ZNF345: variants seen among roughly 807,000 people sequenced by gnomAD.
ZNF345 encodes zinc finger protein HZF10.
For missense variants in ZNF345, 527 were observed against 589.9 expected (o/e 0.89, Z 1.10); for synonymous variants, 166 against 187.9 (o/e 0.88, Z 0.95).
At chr19:36,857,609 C>T (rs896487232) in intron 2 of ZNF345, among the ~76,000 whole-genome samples, 1 of 151,366 alleles carries the variant, frequency 6.6e-6, no homozygotes, top group Non-Finnish European at 1.5e-5. Context: ...GCTTAAATGT[C>T]AGTAAATACT....
chr19:36,886,815 G>T (rs1190095542), intron 3 of ZNF345, among the ~76,000 whole-genome samples: 1 of 151,276 alleles, frequency 6.6e-6, no homozygotes, highest in South Asian at 2.1e-4. Context: ...GTGAAACCCC[G>T]TCTCTACTAA....
At chr19:36,875,488 G>T (rs900175214) in intron 2 of ZNF345, among the ~76,000 whole-genome samples, 1 of 152,078 alleles carries the variant, frequency 6.6e-6, no homozygotes, top group African/African-American at 2.4e-5. Context: ...ATTGTTGGGT[G>T]GGGGGTGCAG....
chr19:36,861,398 G>A (rs993162923), intron 2 of ZNF345, among the ~76,000 whole-genome samples: 7 of 152,128 alleles, frequency 4.6e-5, no homozygotes, highest in African/African-American at 1.7e-4. Context: ...TTCTGTAGTA[G>A]TAAGAAACCT....
chr19:36,854,906 T>G (rs1045959830), intron 2 of ZNF345, among the ~76,000 whole-genome samples: 69 of 151,190 alleles, frequency 4.6e-4, no homozygotes, highest in African/African-American at 1.5e-3. Flanking sequence ...CAGGCTGGAG[T>G]GCAGTGGTGC....
At chr19:36,868,673 C>T (rs2072713539) in intron 2 of ZNF345, among the ~76,000 whole-genome samples, 1 of 147,098 alleles carries the variant, frequency 6.8e-6, no homozygotes, top group Non-Finnish European at 1.5e-5. Flanking sequence ...GTTGCCCAGG[C>T]TGGAGTGCAG....
chr19:36,852,128 C>CTTTTTTTTTTTTTTTTTTTTTTT (rs35747733), intron 2 of ZNF345, among the ~76,000 whole-genome samples: 1 of 102,704 alleles, frequency 9.7e-6, no homozygotes. Flanking sequence ...TTCTTTCTTT[C>CTTTTTTTTTTTTTTTTTTTTTTT]TTTTTTTTTT....
At chr19:36,888,381 CTGA>C (rs780284203) in intron 3 of ZNF345, 5 of 152,000 alleles carry the variant, frequency 3.3e-5, no homozygotes, top group African/African-American at 7.3e-5. Flanking sequence ...TCTCCTTGCC[CTGA>C]TGATATCTGT....
In ZNF345 at chr19:36,877,903, C is replaced by A. The variant is rs765262492; in HGVS notation, c.1073C>A (p.Thr358Asn). ...GKTFSSGSDL[T>N]QHHRIHTGEK... ...ACCTTTAGTAGTGGTTCAGACCTTACTCAACATCACAGAATTCATACTGGT... is the reference window on the plus strand; with the variant it reads ...ACCTTTAGTAGTGGTTCAGACCTTAATCAACATCACAGAATTCATACTGGT... Residue 358 changes from threonine to asparagine, a missense_variant, in exon 3 of 3, where the codon ACT (threonine) becomes AAT (asparagine). Thr to Asn is a moderately conservative substitution (Grantham distance 65, BLOSUM62 0). Transcript: ENST00000420450. 6 of 1,613,808 alleles carry A rather than the reference C, an allele frequency of 3.7e-6. No individual in the cohort carries two copies. Among genetic ancestry groups the A allele is most frequent in the Non-Finnish European group, 5.1e-6 (6 of 1,179,964 alleles).
rs1466005966 is a variant in ZNF345 at position 36,876,775 on chromosome 19, T to G, written c.-46-10T>G. Reference sequence around the variant, plus strand: ...AAAAAGTGAATGTTTGCTTTTATATTTTCTTTCAGACTATGAATCAAAGTT... The same window carrying G: ...AAAAAGTGAATGTTTGCTTTTATATGTTCTTTCAGACTATGAATCAAAGTT... On this transcript the variant is annotated splice_polypyrimidine_tract_variant and intron_variant, in intron 2 of 2. Coordinates refer to ENST00000420450, the MANE Select transcript of ZNF345 (RefSeq NM_001242472.2). 6.7e-7 allele frequency: 1 copy of G among 1,501,906 alleles called. No individual in the cohort carries two copies. The highest frequency in any genetic ancestry group is 8.9e-7 in the Non-Finnish European group (1 of 1,120,254). The allele number at this position is 1,501,906 out of a possible 1,614,324, so 93.0% of individuals were successfully genotyped here.
At chr19:36,867,503 A>G (rs984715378) in intron 2 of ZNF345, among the ~76,000 whole-genome samples, 3 of 152,320 alleles carry the variant, frequency 2.0e-5, no homozygotes, top group South Asian at 2.1e-4. Flanking sequence ...TTGAAGCACA[A>G]ACTTTTAACT....
chr19:36,855,447 C>CG (rs1555719695), intron 2 of ZNF345, among the ~76,000 whole-genome samples: 3 of 58,574 alleles, frequency 5.1e-5, no homozygotes, highest in African/African-American at 7.0e-5. Flanking sequence ...CGAGCCTGGC[C>CG]TTTTTTTTTT....
intron 2 of ZNF345, among the ~76,000 whole-genome samples, chr19:36,874,698 G>C (rs2072847467): frequency 6.6e-6 from 1 of 152,182 alleles, no homozygotes; most frequent in Admixed American, 6.5e-5. Flanking sequence ...AGAATCACTT[G>C]AACCCGGGAG....
intron 2 of ZNF345, among the ~76,000 whole-genome samples, chr19:36,855,340 G>A (rs760629639): frequency 3.3e-5 from 5 of 150,546 alleles, no homozygotes; most frequent in African/African-American, 4.9e-5. Flanking sequence ...TAGTAGAGAC[G>A]GGGTTTCACG....
intron 2 of ZNF345, among the ~76,000 whole-genome samples, chr19:36,864,221 A>ACAGCCATAAAGAG (rs1446165191): frequency 4.6e-5 from 7 of 152,252 alleles, no homozygotes; most frequent in Admixed American, 3.9e-4. Flanking sequence ...CATGGGAATT[A>ACAGCCATAAAGAG]CAGCCATAAA....
chr19:36,892,376 G>A, intron 3 of ZNF345: 1 of 1,613,300 alleles, frequency 6.2e-7, no homozygotes, highest in South Asian at 1.1e-5. Context: ...AATGTGGGCT[G>A]AATAAAAGTA....
chr19:36,887,418 A>G (rs2073008504), intron 3 of ZNF345, among the ~76,000 whole-genome samples: 1 of 152,198 alleles, frequency 6.6e-6, no homozygotes, highest in African/African-American at 2.4e-5. Context: ...ATATAATGTA[A>G]GATGTTTTTA....
chr19:36,868,221 C>T (rs1468297123), intron 2 of ZNF345, among the ~76,000 whole-genome samples: 2 of 152,130 alleles, frequency 1.3e-5, no homozygotes, highest in African/African-American at 4.8e-5. Flanking sequence ...CCAAGCTAGT[C>T]TCAAACTCCT....
At chr19:36,873,316 A>G (rs989712504) in intron 2 of ZNF345, among the ~76,000 whole-genome samples, 3 of 151,934 alleles carry the variant, frequency 2.0e-5, no homozygotes, top group Non-Finnish European at 4.4e-5. Flanking sequence ...ACTGTCTTTT[A>G]TCTTACAGGC....
downstream of ZNF345, among the ~76,000 whole-genome samples, chr19:36,882,489 G>T (rs1365429809): frequency 6.6e-6 from 1 of 152,054 alleles, no homozygotes; most frequent in Non-Finnish European, 1.5e-5. Flanking sequence ...GGATGGTCTC[G>T]ATCTCTTGAC....
Sources: gnomAD v4.1 joint callset for allele counts (sites outside exome capture counted in the v4.1 genomes callset) on GRCh38, gnomAD v4.1.1 for gene constraint, MANE v1.5 for transcripts, NCBI Gene and HGNC (gene_info 2026-07-23, HGNC 2026-07-21) for gene names.